Variants in PLLP observed in about 807,000 individuals in gnomAD.
The protein encoded by PLLP is plasma membrane proteolipid (plasmolipin).
PLLP carries 15 observed loss-of-function variants against 19.7 expected under a neutral mutation model. That is an observed-to-expected ratio of 0.76 (90% CI 0.51 to 1.17). The LOEUF is 1.17. PLLP is among the 50% of genes most tolerant of loss of function. PLLP has a pLI of 0.00. For synonymous variants in PLLP, 111 were observed against 116.3 expected (o/e 0.95, Z 0.29); for missense variants, 255 against 258.3 (o/e 0.99, Z 0.09).
intron 2 of PLLP, among the ~76,000 whole-genome samples, chr16:57,260,281 G>A (rs2075438203): frequency 6.6e-6 from 1 of 152,214 alleles, no homozygotes; most frequent in Admixed American, 6.5e-5. Flanking sequence ...TCCTGCCACT[G>A]TGGCAGAAGG....
chr16:57,274,482 T>G (rs1384592822), intron 1 of PLLP, among the ~76,000 whole-genome samples: 1 of 152,190 alleles, frequency 6.6e-6, no homozygotes, highest in Non-Finnish European at 1.5e-5. Flanking sequence ...AGACAGAATC[T>G]TGCTCTGTCA....
intron 1 of PLLP, among the ~76,000 whole-genome samples, chr16:57,267,005 GT>G (rs1445996244): frequency 1.3e-5 from 2 of 151,486 alleles, no homozygotes; most frequent in African/African-American, 4.8e-5. Flanking sequence ...ACGAAGAGAT[GT>G]TTTTGTTAAA....
intron 3 of PLLP, among the ~76,000 whole-genome samples, chr16:57,257,459 C>G (rs1264165612): frequency 6.6e-6 from 1 of 152,250 alleles, no homozygotes; most frequent in Non-Finnish European, 1.5e-5. Context: ...TTCAAAACTG[C>G]CCTCATCAGG....
chr16:57,283,062 C>T (rs1291509834), intron 1 of PLLP, among the ~76,000 whole-genome samples: 2 of 152,140 alleles, frequency 1.3e-5, no homozygotes, highest in Non-Finnish European at 2.9e-5. Context: ...GGAACTAGAC[C>T]TCTTCCCTCA....
At chr16:57,273,613 G>T (rs2146447227) in intron 1 of PLLP, among the ~76,000 whole-genome samples, 1 of 152,284 alleles carries the variant, frequency 6.6e-6, no homozygotes, top group African/African-American at 2.4e-5. Flanking sequence ...CCACCACCCA[G>T]GTTCCCAATT....
intron 1 of PLLP, among the ~76,000 whole-genome samples, chr16:57,267,853 C>T (rs1272030980): frequency 3.4e-5 from 4 of 117,062 alleles, no homozygotes; most frequent in Admixed American, 3.1e-4. Context: ...CCAGCCTGGG[C>T]AACAAGAGCG....
At chr16:57,272,025 T>C (rs1489269977) in intron 1 of PLLP, among the ~76,000 whole-genome samples, 1 of 152,106 alleles carries the variant, frequency 6.6e-6, no homozygotes, top group African/African-American at 2.4e-5. Context: ...TTACCCTCCT[T>C]GTGAAGTCCC....
At chr16:57,272,539 G>C (rs1436354631) in intron 1 of PLLP, among the ~76,000 whole-genome samples, 1 of 152,164 alleles carries the variant, frequency 6.6e-6, no homozygotes, top group Admixed American at 6.5e-5. Flanking sequence ...GAGGAATTGG[G>C]GTGCTAAAGT....
chr16:57,277,730 A>G (rs1011541908), intron 1 of PLLP, among the ~76,000 whole-genome samples: 1 of 152,176 alleles, frequency 6.6e-6, no homozygotes, highest in Non-Finnish European at 1.5e-5. Context: ...ACATGCCCAG[A>G]CAGCACCTAT....
chr16:57,258,122 T>A (rs1405468273), intron 3 of PLLP, among the ~76,000 whole-genome samples: 5 of 152,108 alleles, frequency 3.3e-5, no homozygotes, highest in Non-Finnish European at 7.4e-5. Flanking sequence ...TCCCAGCTAC[T>A]TGGGAGGCTG....
intron 1 of PLLP, among the ~76,000 whole-genome samples, chr16:57,282,141 G>A (rs1028272635): frequency 2.6e-5 from 4 of 151,618 alleles, no homozygotes; most frequent in Non-Finnish European, 5.9e-5. Context: ...AGACCCTTGC[G>A]GCCCACAGCA....
chr16:57,257,018 A>C lies in PLLP; in HGVS notation c.444T>G (p.Cys148Trp), dbSNP rs2075427996. ...TCACTCCATAGGCGATCATCACCAA[A>C]CACGCAAAGAACTGAAAGAGAGGTG... The part of the protein sequence containing the change: ...NQRAAASFFA[C>W]LVMIAYGVSA... Residue 148 changes from cysteine (C) to tryptophan (W), a missense_variant, in exon 4 of 4, where the codon TGT becomes TGG. By Grantham distance (215) the Cys-to-Trp change is radical. Transcript: ENST00000219207. The C allele has an allele frequency of 2.5e-6, 4 of 1,612,448 alleles. No individual in the cohort carries two copies. The African/African-American group carries it at 5.3e-5, about 22-fold the overall frequency.
intron 2 of PLLP, among the ~76,000 whole-genome samples, chr16:57,259,311 G>A (rs72778734): frequency 6.6e-6 from 1 of 152,246 alleles, no homozygotes; most frequent in East Asian, 1.9e-4. Flanking sequence ...TGGTACCACT[G>A]CAAGGTTTGG....
chr16:57,276,421 G>T (rs1355937155), intron 1 of PLLP, among the ~76,000 whole-genome samples: 1 of 152,114 alleles, frequency 6.6e-6, no homozygotes, highest in Middle Eastern at 3.4e-3. Flanking sequence ...GCCAAACCCC[G>T]TCTCTACTAA....
At chr16:57,266,047 G>C (rs1437663538) in intron 1 of PLLP, among the ~76,000 whole-genome samples, 1 of 152,124 alleles carries the variant, frequency 6.6e-6, no homozygotes, top group Non-Finnish European at 1.5e-5. Context: ...ATTTTAAAAG[G>C]ATAGGGAAGG....
rs530302536 is a variant in PLLP at position 57,256,273 on chromosome 16, C to A, written c.*640G>T. 2.3e-5 allele frequency: 9 copies of A among 385,424 alleles called. No homozygotes were observed. In the South Asian group the frequency reaches 1.2e-3, roughly 50 times the overall value. 23.9% of individuals were successfully genotyped at this position (385,424 alleles called of 1,614,324 possible). ...CCAAAGGGAGTATTACAGAGAGAGG[C>A]TTGGGAAAGGGAAGGAAACCTGGAC... is the stretch of plus-strand genomic sequence containing the variant. On this transcript the variant is annotated 3_prime_UTR_variant, in exon 4 of 4. Transcript: ENST00000219207.
chr16:57,260,404 G>T (rs576212291), intron 2 of PLLP, among the ~76,000 whole-genome samples: 1 of 152,104 alleles, frequency 6.6e-6, no homozygotes, highest in Non-Finnish European at 1.5e-5. Context: ...CGTGAGGGAG[G>T]GGGTGGACCC....
intron 3 of PLLP, among the ~76,000 whole-genome samples, chr16:57,258,096 C>T (rs1392362857): frequency 6.6e-6 from 1 of 152,000 alleles, no homozygotes; most frequent in Non-Finnish European, 1.5e-5. Flanking sequence ...GCGGGTGTGG[C>T]AGCACACACC....
intron 2 of PLLP, among the ~76,000 whole-genome samples, chr16:57,260,100 C>T (rs1346583659): frequency 3.9e-5 from 6 of 152,150 alleles, no homozygotes; most frequent in Non-Finnish European, 8.8e-5. Flanking sequence ...GCTGGCTTCT[C>T]CAGGGTCCCT....
Sources: allele counts gnomAD v4.1 joint callset (sites outside exome capture counted in the v4.1 genomes callset), GRCh38; gene constraint gnomAD v4.1.1; transcripts MANE v1.5; gene names NCBI Gene and HGNC (gene_info 2026-07-23, HGNC 2026-07-21).